Variants in MTX2 observed in about 807,000 individuals in gnomAD.
The protein encoded by MTX2 is metaxin 2.
In MTX2, 35 loss-of-function variants were observed where a neutral mutation model predicts 42.3. That is an observed-to-expected ratio of 0.83 (90% CI 0.63 to 1.10). The LOEUF (loss-of-function observed/expected upper bound fraction) is 1.10, where lower values mean the gene tolerates loss of function less well. Ranked by LOEUF, MTX2 falls within the 50% of genes least tolerant of loss-of-function variation. The probability of loss-of-function intolerance (pLI) is 0.00; values close to 1 mark genes in which losing one functional copy is unlikely to be tolerated. For missense variants in MTX2, 307 were observed against 304.1 expected (o/e 1.01, Z -0.07); for synonymous variants, 119 against 100.9 (o/e 1.18, Z -1.08).
At chr2:176,278,298 G>A (rs925175899) in intron 1 of MTX2, among the ~76,000 whole-genome samples, 9 of 151,638 alleles carry the variant, frequency 5.9e-5, no homozygotes, top group Non-Finnish European at 8.8e-5. Flanking sequence ...TGATCTGCCC[G>A]CCTCAGCCTC....
chr2:176,287,960 A>G (rs1693245754), intron 1 of MTX2, among the ~76,000 whole-genome samples: 1 of 151,608 alleles, frequency 6.6e-6, no homozygotes, highest in South Asian at 2.1e-4. Flanking sequence ...CTGTTCTCCA[A>G]CACAAGCCAT....
At chr2:176,277,330 T>C (rs969261009) in intron 1 of MTX2, among the ~76,000 whole-genome samples, 2 of 152,192 alleles carry the variant, frequency 1.3e-5, no homozygotes, top group Non-Finnish European at 1.5e-5. Context: ...GGTAAAGGCT[T>C]GTATATCCAT....
intron 3 of MTX2, among the ~76,000 whole-genome samples, chr2:176,308,215 ATGTTGAACCAGCCT>A (rs1684203411): frequency 6.6e-6 from 1 of 152,098 alleles, no homozygotes; most frequent in Non-Finnish European, 1.5e-5. Flanking sequence ...TGATTTGCGT[ATGTTGAACCAGCCT>A]TGCATCCCAA....
rs1684777784 is a variant in MTX2, at chr2:176,328,611, T to C, written c.378+226T>C. ...AAAGGAGTGATTCTTGCCTACTCAT[T>C]ATTTTACTTTGGCCTTTTGAAATTT... On this transcript the variant is annotated intron_variant, in intron 6 of 9. Transcript: ENST00000249442. 1.3e-5 allele frequency among the ~76,000 whole-genome samples: 2 copies of C among 151,404 alleles called. 1 individual carries two copies. Among genetic ancestry groups the C allele is most frequent in the Non-Finnish European group, 3.0e-5 (2 of 67,414 alleles).
intron 3 of MTX2, among the ~76,000 whole-genome samples, chr2:176,317,048 A>C (rs1363336397): frequency 6.6e-6 from 1 of 151,454 alleles, no homozygotes; most frequent in African/African-American, 2.4e-5. Flanking sequence ...TAAAAAAAAA[A>C]AAACAAAAAC....
intron 3 of MTX2, among the ~76,000 whole-genome samples, chr2:176,322,310 A>G (rs1324819802): frequency 3.9e-5 from 6 of 152,194 alleles, no homozygotes; most frequent in Admixed American, 1.3e-4. Flanking sequence ...TAATAAACCT[A>G]TGAGAAATCT....
chr2:176,301,746 A>G (rs146650755), intron 3 of MTX2, among the ~76,000 whole-genome samples: 1 of 152,302 alleles, frequency 6.6e-6, no homozygotes, highest in African/African-American at 2.4e-5. Context: ...TACTTCTGAC[A>G]TTTCTTAGTA....
In MTX2 at chr2:176,323,372, G is replaced by C. The variant is rs746408888; in HGVS notation, c.136-20G>C. The C allele has an allele frequency of 2.9e-5, 46 of 1,600,556 alleles. No individual in the cohort carries two copies. The highest frequency in any genetic ancestry group is 3.8e-5 in the Non-Finnish European group (45 of 1,169,276). The stretch of plus-strand genomic sequence containing the variant: ...GCATATGCTTTTTACTGGGCTTATT[G>C]TATGTATCTTGATTTACAGGCCTTT... On this transcript the variant is annotated intron_variant, in intron 3 of 9. Transcript: ENST00000249442.
At chr2:176,284,355 ATTTAC>A (rs1693148681) in intron 1 of MTX2, among the ~76,000 whole-genome samples, 1 of 152,192 alleles carries the variant, frequency 6.6e-6, no homozygotes, top group Admixed American at 6.5e-5. Flanking sequence ...ACTTATATTT[ATTTAC>A]TTTACCTGAG....
chr2:176,311,952 T>C (rs1199894704), intron 3 of MTX2, among the ~76,000 whole-genome samples: 1 of 152,164 alleles, frequency 6.6e-6, no homozygotes, highest in Non-Finnish European at 1.5e-5. Flanking sequence ...GTACCTCAGC[T>C]GGAAATGCAG....
In MTX2 at chr2:176,269,663, A is replaced by G. The variant is rs924074828; in HGVS notation, c.34A>G (p.Ile12Val). 5.0e-6 allele frequency: 8 copies of G among 1,596,602 alleles called. No individual in the cohort carries two copies. In the Admixed American group the frequency reaches 5.1e-5, roughly 10 times the overall value. The change falls in exon 1 of 10, where the codon ATT becomes GTT. Residue 12 changes from isoleucine (I) to valine (V), a missense_variant. Physicochemically the swap from Ile to Val is conservative, Grantham distance 29. Transcript: ENST00000249442. ...SLVAEAFVSQIAAAEPWPENA... is the reference protein window; with the variant it reads ...SLVAEAFVSQVAAAEPWPENA... The stretch of plus-strand genomic sequence containing the variant: ...AGTGGCGGAAGCCTTCGTCTCCCAG[A>G]TTGCAGGTAGCGCGGCTGGCCGCAG...
chr2:176,327,256 G>C (rs141372283), intron 5 of MTX2, among the ~76,000 whole-genome samples: 166 of 151,168 alleles, frequency 1.1e-3, no homozygotes, highest in Non-Finnish European at 1.8e-3. Context: ...CCTTTGAAAA[G>C]GGAGATACAG....
At chr2:176,294,183 T>C (rs186930879) in intron 1 of MTX2, among the ~76,000 whole-genome samples, 8 of 152,296 alleles carry the variant, frequency 5.3e-5, no homozygotes, top group Admixed American at 3.3e-4. Flanking sequence ...TTTAGTCTTA[T>C]TTGCAGTGAA....
At chr2:176,274,688 G>A (rs574410051) in intron 1 of MTX2, among the ~76,000 whole-genome samples, 1 of 152,310 alleles carries the variant, frequency 6.6e-6, no homozygotes, top group South Asian at 2.1e-4. Context: ...CTAAGCACTG[G>A]CAAGACCAGG....
intron 9 of MTX2, among the ~76,000 whole-genome samples, chr2:176,330,873 C>G (rs565290471): frequency 5.3e-5 from 8 of 150,980 alleles, no homozygotes; most frequent in Non-Finnish European, 8.9e-5. Context: ...AAGAATTTCT[C>G]TTAAAGGCAG....
At chr2:176,295,602 C>G (rs1473132850) in intron 1 of MTX2, among the ~76,000 whole-genome samples, 3 of 152,112 alleles carry the variant, frequency 2.0e-5, no homozygotes, top group African/African-American at 7.2e-5. Flanking sequence ...GGCATTATCT[C>G]TAAATACAAG....
At chr2:176,334,691 T>C (rs2689948) in intron 9 of MTX2, among the ~76,000 whole-genome samples, 79,215 of 151,240 alleles carry the variant, frequency 0.52, 20,965 homozygotes, top group Admixed American at 0.63. Context: ...TTACTACTAT[T>C]GAGAAAATTA....
chr2:176,325,796 T>G (rs1684693924), intron 4 of MTX2, among the ~76,000 whole-genome samples: 1 of 151,698 alleles, frequency 6.6e-6, no homozygotes, highest in Admixed American at 6.6e-5. Context: ...TATAAAGCAG[T>G]AGAAGGAAGG....
chr2:176,292,808 C>G lies in MTX2; in HGVS notation c.41-4052C>G, dbSNP rs368195733. On this transcript the variant is annotated intron_variant, in intron 1 of 9. Coordinates refer to ENST00000249442, the MANE Select transcript of MTX2 (RefSeq NM_006554.5). ...AAAAGGTTATTTTTTCAGTAATTTG[C>G]TGATGTCAGCTTGTTTTTGTTTCCT... is the stretch of plus-strand genomic sequence containing the variant. Among the ~76,000 whole-genome samples the G allele has an allele frequency of 2.6e-5, 4 of 152,050 alleles. No homozygotes were observed. The East Asian group carries it at 5.8e-4, about 22-fold the overall frequency.
Sources: gnomAD v4.1 joint callset for allele counts (sites outside exome capture counted in the v4.1 genomes callset) on GRCh38, gnomAD v4.1.1 for gene constraint, MANE v1.5 for transcripts, NCBI Gene and HGNC (gene_info 2026-07-23, HGNC 2026-07-21) for gene names.